DPP10: variants seen among roughly 807,000 people sequenced by gnomAD.
The protein encoded by DPP10 is inactive dipeptidyl peptidase 10.
A neutral mutation model predicts 120.9 loss-of-function variants in DPP10; 33 were observed. The ratio of observed to expected loss-of-function variants is 0.27; its 90% CI spans 0.21 to 0.37. DPP10 has a LOEUF of 0.37. Among genes scored for constraint, DPP10 ranks in the 10% least tolerant of loss-of-function variants. DPP10 has a pLI of 1.00. For synonymous variants in DPP10, 337 were observed against 326.1 expected (o/e 1.03, Z -0.36); for missense variants, 816 against 942.8 (o/e 0.87, Z 1.76).
chr2:114,852,151 C>CTTTTTTTTTT (rs34580352), intron 1 of DPP10, among the ~76,000 whole-genome samples: 7 of 53,728 alleles, frequency 1.3e-4, no homozygotes, highest in East Asian at 4.9e-4. Context: ...CGATTGCATC[C>CTTTTTTTTTT]TTTTTTTTTT....
At chr2:115,632,308 G>A (rs540680525) in intron 5 of DPP10, among the ~76,000 whole-genome samples, 1 of 152,060 alleles carries the variant, frequency 6.6e-6, no homozygotes, top group Non-Finnish European at 1.5e-5. Flanking sequence ...TTGTACGTGA[G>A]ATGGGTTTCT....
chr2:115,796,122 C>A (rs1009326611), intron 19 of DPP10, among the ~76,000 whole-genome samples: 1 of 152,026 alleles, frequency 6.6e-6, no homozygotes, highest in Admixed American at 6.6e-5. Flanking sequence ...TCAGCCACCC[C>A]CAAAGAGAAA....
intron 2 of DPP10, among the ~76,000 whole-genome samples, chr2:115,318,761 T>G (rs764966735): frequency 6.6e-6 from 1 of 152,166 alleles, no homozygotes; most frequent in Non-Finnish European, 1.5e-5. Flanking sequence ...AGTGTTGACC[T>G]TGTACTCTTC....
At chr2:115,392,057 A>G (rs1184187661) in intron 3 of DPP10, among the ~76,000 whole-genome samples, 5 of 152,148 alleles carry the variant, frequency 3.3e-5, no homozygotes, top group Non-Finnish European at 5.9e-5. Flanking sequence ...CTGTATAATA[A>G]AGAGTTGGTT....
At chr2:114,981,462 T>A (rs1700087124) in intron 1 of DPP10, among the ~76,000 whole-genome samples, 1 of 152,164 alleles carries the variant, frequency 6.6e-6, no homozygotes, top group African/African-American at 2.4e-5. Flanking sequence ...AATACATATG[T>A]GCATGTATAA....
chr2:115,688,196 C>T (rs1187572261), intron 5 of DPP10, among the ~76,000 whole-genome samples: 1 of 152,090 alleles, frequency 6.6e-6, no homozygotes, highest in Admixed American at 6.6e-5. Flanking sequence ...ATTATTTTTG[C>T]TTCTACAGCC....
chr2:114,601,224 G>C (rs1002207089), intron 1 of DPP10, among the ~76,000 whole-genome samples: 1 of 151,846 alleles, frequency 6.6e-6, no homozygotes, highest in African/African-American at 2.4e-5. Context: ...ATCGAGTTTA[G>C]AGACTGGTTA....
intron 1 of DPP10, among the ~76,000 whole-genome samples, chr2:115,213,850 A>G (rs572493809): frequency 2.2e-4 from 34 of 152,150 alleles, no homozygotes; most frequent in Non-Finnish European, 4.6e-4. Context: ...TTCAGTACCT[A>G]CTACAATCAG....
At chr2:114,986,710 T>G (rs984229284) in intron 1 of DPP10, among the ~76,000 whole-genome samples, 3 of 152,212 alleles carry the variant, frequency 2.0e-5, no homozygotes, top group Non-Finnish European at 4.4e-5. Context: ...TCCAAGCATT[T>G]TGAGTATCTG....
intron 19 of DPP10, among the ~76,000 whole-genome samples, chr2:115,799,832 C>T (rs1340984642): frequency 1.3e-5 from 2 of 151,840 alleles, no homozygotes; most frequent in South Asian, 2.1e-4. Flanking sequence ...TCCAGTCTAT[C>T]GTTGTTGGAC....
intron 1 of DPP10, among the ~76,000 whole-genome samples, chr2:114,487,103 A>G (rs1681583918): frequency 6.6e-6 from 1 of 152,186 alleles, no homozygotes; most frequent in Non-Finnish European, 1.5e-5. Context: ...TGCTTTCATA[A>G]CTAGCCTCTT....
At chr2:115,521,596 C>G (rs1296734913) in intron 4 of DPP10, among the ~76,000 whole-genome samples, 1 of 145,362 alleles carries the variant, frequency 6.9e-6, no homozygotes, top group East Asian at 2.1e-4. Flanking sequence ...ATCTTCAAAT[C>G]TAATCCTTAT....
At chr2:114,788,417 A>ATT (rs66808432) in intron 1 of DPP10, among the ~76,000 whole-genome samples, 67,485 of 145,474 alleles carry the variant, frequency 0.46, 15,860 homozygotes, top group African/African-American at 0.55. Flanking sequence ...GAACATGTAC[A>ATT]TTTTTTTTTT....
At chr2:115,088,426 C>T (rs1559079480) in intron 1 of DPP10, among the ~76,000 whole-genome samples, 1 of 152,018 alleles carries the variant, frequency 6.6e-6, no homozygotes, top group South Asian at 2.1e-4. Context: ...AAATCAAAAA[C>T]AACTTTTCTT....
chr2:115,561,523 T>A (rs1400498816), intron 5 of DPP10, among the ~76,000 whole-genome samples: 1 of 152,100 alleles, frequency 6.6e-6, no homozygotes, highest in African/African-American at 2.4e-5. Context: ...ATTAAATGTA[T>A]TTTTCCACTC....
At chr2:115,049,210 T>C (rs1705287341) in intron 1 of DPP10, among the ~76,000 whole-genome samples, 1 of 152,100 alleles carries the variant, frequency 6.6e-6, no homozygotes, top group Non-Finnish European at 1.5e-5. Context: ...AATTTTATTA[T>C]GATACAAATA....
intron 12 of DPP10, among the ~76,000 whole-genome samples, chr2:115,765,881 A>T (rs1383204371): frequency 6.6e-6 from 1 of 152,142 alleles, no homozygotes; most frequent in East Asian, 1.9e-4. Context: ...TTTTAAATTT[A>T]TTACATATGT....
intron 1 of DPP10, among the ~76,000 whole-genome samples, chr2:115,298,940 T>G (rs2061005493): frequency 6.6e-6 from 1 of 151,964 alleles, no homozygotes; most frequent in South Asian, 2.1e-4. Flanking sequence ...AGTCCTTTCA[T>G]CAGAGAAATG....
chr2:114,510,716 A>G (rs899126550), intron 1 of DPP10, among the ~76,000 whole-genome samples: 1 of 152,210 alleles, frequency 6.6e-6, no homozygotes, highest in Admixed American at 6.5e-5. Flanking sequence ...CAGGTTTCCT[A>G]TCACCACTTC....
Sources: gnomAD v4.1 joint callset for allele counts (sites outside exome capture counted in the v4.1 genomes callset) on GRCh38, gnomAD v4.1.1 for gene constraint, MANE v1.5 for transcripts, NCBI Gene and HGNC (gene_info 2026-07-23, HGNC 2026-07-21) for gene names.